The following SOX6 variants were observed in gnomAD, a reference collection of about 807,000 sequenced individuals.
SOX6 encodes the protein SRY-box transcription factor 6.
Under a neutral mutation model 97.8 loss-of-function variants are expected in SOX6, and 11 were observed. The observed-to-expected ratio is 0.11, with a 90% CI of 0.07 to 0.19. The LOEUF is 0.19. SOX6 is among the 10% of genes least tolerant of loss of function. SOX6 has a pLI of 1.00. For synonymous variants in SOX6, 360 were observed against 371.4 expected, an observed-to-expected ratio of 0.97 and a Z score of 0.35; for missense variants, 810 against 1,039.5, an observed-to-expected ratio of 0.78 and a Z score of 3.04.
intron 6 of SOX6, among the ~76,000 whole-genome samples, chr11:16,170,061 T>C (rs1589992932): frequency 6.6e-6 from 1 of 152,170 alleles, no homozygotes; most frequent in African/African-American, 2.4e-5. Flanking sequence ...TGTTGGTTCT[T>C]TTAAATAGCT....
chr11:16,518,684 C>A (rs1336469972), intron 4 of SOX6, among the ~76,000 whole-genome samples: 1 of 152,042 alleles, frequency 6.6e-6, no homozygotes, highest in Non-Finnish European at 1.5e-5. Flanking sequence ...GAACACATTC[C>A]CATGATAGAT....
At chr11:16,637,149 T>C (rs10832659) in intron 3 of SOX6, among the ~76,000 whole-genome samples, 40,754 of 152,102 alleles carry the variant, frequency 0.27, 6,219 homozygotes, top group East Asian at 0.53. Context: ...TTCCCATTCA[T>C]TTATATTCTT....
chr11:16,722,417 C>T (rs147338767), intron 2 of SOX6, among the ~76,000 whole-genome samples: 78 of 152,226 alleles, frequency 5.1e-4, no homozygotes, highest in Non-Finnish European at 8.7e-4. Flanking sequence ...CTCCGGAGGC[C>T]GAGGCAGGCG....
intron 4 of SOX6, among the ~76,000 whole-genome samples, chr11:16,536,212 T>G (rs1012151114): frequency 6.6e-5 from 10 of 152,228 alleles, no homozygotes. Flanking sequence ...AATATCTCTC[T>G]TCATTCATAT....
intron 1 of SOX6, among the ~76,000 whole-genome samples, chr11:16,366,570 C>A (rs2134385572): frequency 6.6e-6 from 1 of 152,214 alleles, no homozygotes; most frequent in Non-Finnish European, 1.5e-5. Context: ...AGGTCAAATT[C>A]CATGTTTTCA....
At chr11:16,322,346 C>G (rs946063738) in intron 2 of SOX6, among the ~76,000 whole-genome samples, 10 of 151,980 alleles carry the variant, frequency 6.6e-5, no homozygotes, top group Admixed American at 4.6e-4. Flanking sequence ...CACTCTCTCT[C>G]TTCCTCCTGC....
chr11:16,500,400 C>G (rs1350533631), intron 4 of SOX6, among the ~76,000 whole-genome samples: 1 of 152,172 alleles, frequency 6.6e-6, no homozygotes, highest in Non-Finnish European at 1.5e-5. Context: ...AAAACTGGCA[C>G]AAGACAGGGA....
intron 3 of SOX6, among the ~76,000 whole-genome samples, chr11:16,681,507 G>C (rs957585645): frequency 4.6e-5 from 7 of 152,206 alleles, no homozygotes; most frequent in Admixed American, 4.6e-4. Context: ...AGAGAAAGCA[G>C]GAAAGATCTA....
intron 4 of SOX6, among the ~76,000 whole-genome samples, chr11:16,591,272 G>A (rs1848147005): frequency 2.0e-5 from 3 of 151,484 alleles, no homozygotes; most frequent in Admixed American, 2.0e-4. Flanking sequence ...ACAAGAAGCT[G>A]TGAGTGTGTG....
At chr11:16,458,174 T>C (rs1590211384) in intron 1 of SOX6, among the ~76,000 whole-genome samples, 1 of 152,106 alleles carries the variant, frequency 6.6e-6, no homozygotes, top group East Asian at 1.9e-4. Flanking sequence ...CAATCAAAAA[T>C]TCTATTCCTG....
At chr11:16,564,294 G>C (rs1301126827) in intron 4 of SOX6, among the ~76,000 whole-genome samples, 1 of 152,116 alleles carries the variant, frequency 6.6e-6, no homozygotes, top group African/African-American at 2.4e-5. Context: ...AATGTATGTA[G>C]AGAAAACAGG....
intron 1 of SOX6, among the ~76,000 whole-genome samples, chr11:16,347,702 T>C (rs372862503): frequency 5.9e-5 from 9 of 152,188 alleles, no homozygotes; most frequent in East Asian, 3.9e-4. Context: ...TTAATAAAAA[T>C]CATAAACCAG....
intron 4 of SOX6, among the ~76,000 whole-genome samples, chr11:16,535,841 T>C (rs1861300776): frequency 6.6e-6 from 1 of 152,246 alleles, no homozygotes; most frequent in African/African-American, 2.4e-5. Flanking sequence ...TATCAGAAGC[T>C]TAATAGACAA....
At chr11:16,245,829 T>C (rs1853318762) in intron 3 of SOX6, among the ~76,000 whole-genome samples, 3 of 151,502 alleles carry the variant, frequency 2.0e-5, no homozygotes, top group South Asian at 2.1e-4. Context: ...ATATTTATTA[T>C]GTCTCTTGTA....
chr11:16,522,177 G>T (rs1861077850), intron 4 of SOX6, among the ~76,000 whole-genome samples: 1 of 152,084 alleles, frequency 6.6e-6, no homozygotes, highest in Non-Finnish European at 1.5e-5. Flanking sequence ...ACACATAATT[G>T]TCAGATTCAC....
intron 13 of SOX6, among the ~76,000 whole-genome samples, chr11:16,010,208 T>G (rs937811911): frequency 6.6e-6 from 1 of 151,718 alleles, no homozygotes. Context: ...TCATCTTGGC[T>G]GTGTTCCAGT....
intron 1 of SOX6, among the ~76,000 whole-genome samples, chr11:16,405,436 T>C (rs940971052): frequency 3.3e-5 from 5 of 151,960 alleles, no homozygotes; most frequent in Non-Finnish European, 7.4e-5. Context: ...GTCCCCCATC[T>C]AACACCCCTT....
chr11:16,281,010 C>T (rs1216277352), intron 3 of SOX6, among the ~76,000 whole-genome samples: 1 of 151,860 alleles, frequency 6.6e-6, no homozygotes, highest in Non-Finnish European at 1.5e-5. Context: ...TTAAATCATC[C>T]CTACAGTCTG....
intron 1 of SOX6, among the ~76,000 whole-genome samples, chr11:16,425,643 CA>C (rs1331041793): frequency 6.6e-6 from 1 of 152,026 alleles, no homozygotes; most frequent in Non-Finnish European, 1.5e-5. Flanking sequence ...AATCCATGTG[CA>C]AAAAACACTA....
Sources: allele counts gnomAD v4.1 joint callset (sites outside exome capture counted in the v4.1 genomes callset), GRCh38; gene constraint gnomAD v4.1.1; transcripts MANE v1.5; gene names NCBI Gene and HGNC (gene_info 2026-07-23, HGNC 2026-07-21).